Variants in LINGO2 observed in about 807,000 individuals in gnomAD.
LINGO2 encodes leucine rich repeat and Ig domain containing 2.
A neutral mutation model predicts 30.6 loss-of-function variants in LINGO2; 14 were observed. The observed-to-expected ratio is 0.46, with a 90% confidence interval of 0.30 to 0.72. LINGO2 has a LOEUF of 0.72. LINGO2 is among the 30% of genes least tolerant of loss of function. The pLI is 0.07. For missense variants in LINGO2, 729 were observed against 751.7 expected (o/e 0.97, Z 0.35); for synonymous variants, 317 against 288.5 (o/e 1.10, Z -1.00).
At chr9:28,218,130 T>C (rs766430938) in intron 4 of LINGO2, among the ~76,000 whole-genome samples, 19 of 148,680 alleles carry the variant, frequency 1.3e-4, no homozygotes, top group Non-Finnish European at 1.5e-5. Flanking sequence ...ATATTATAAA[T>C]ATATATAATT....
At chr9:28,057,169 C>A (rs181882081) in intron 4 of LINGO2, among the ~76,000 whole-genome samples, 164 of 152,206 alleles carry the variant, frequency 1.1e-3, no homozygotes, top group African/African-American at 3.9e-3. Context: ...TATGCCTGTT[C>A]TACTAAGATG....
the LINGO2 span, among the ~76,000 whole-genome samples, chr9:28,797,825 G>C: frequency 6.6e-6 from 1 of 152,056 alleles, no homozygotes; most frequent in African/African-American, 2.4e-5. Context: ...ATTGTAGTTA[G>C]AGCAGTAGAA....
intron 4 of LINGO2, among the ~76,000 whole-genome samples, chr9:28,043,786 A>G (rs540748078): frequency 1.3e-5 from 2 of 152,306 alleles, no homozygotes; most frequent in South Asian, 4.1e-4. Flanking sequence ...TTTCATCTAC[A>G]ATGATTTTGC....
chr9:28,519,001 T>G (rs1189362611), intron 1 of LINGO2, among the ~76,000 whole-genome samples: 1 of 152,118 alleles, frequency 6.6e-6, no homozygotes, highest in East Asian at 1.9e-4. Flanking sequence ...TTTCACAGTA[T>G]TTTTTAAATG....
chr9:29,132,817 T>G, the LINGO2 span, among the ~76,000 whole-genome samples: 1 of 151,970 alleles, frequency 6.6e-6, no homozygotes, highest in Admixed American at 6.6e-5. Context: ...GCCCTACACA[T>G]AGAATTTCAA....
At chr9:29,079,745 A>G in the LINGO2 span, among the ~76,000 whole-genome samples, 1 of 151,866 alleles carries the variant, frequency 6.6e-6, no homozygotes, top group Non-Finnish European at 1.5e-5. Flanking sequence ...ATGAAAGGAC[A>G]TATGGTCCTT....
At chr9:29,023,861 T>C in the LINGO2 span, among the ~76,000 whole-genome samples, 1 of 152,254 alleles carries the variant, frequency 6.6e-6, no homozygotes, top group Admixed American at 6.5e-5. Flanking sequence ...AAGCTAAATA[T>C]TAAGAAAGCT....
chr9:28,326,226 G>C (rs959924479), intron 3 of LINGO2, among the ~76,000 whole-genome samples: 1 of 152,086 alleles, frequency 6.6e-6, no homozygotes. Context: ...ATGCTGGTCT[G>C]TAACTCCTGA....
chr9:28,874,074 G>A, the LINGO2 span, among the ~76,000 whole-genome samples: 1 of 151,858 alleles, frequency 6.6e-6, no homozygotes. Flanking sequence ...TTATTAATTT[G>A]GTCATCTGCT....
At chr9:29,165,057 G>C in the LINGO2 span, among the ~76,000 whole-genome samples, 61 of 152,026 alleles carry the variant, frequency 4.0e-4, no homozygotes, top group African/African-American at 1.4e-3. Flanking sequence ...TACTATTACA[G>C]CAATGAAAAA....
rs72213590 is a variant in LINGO2, at chr9:28,441,251, C to CTTTTTTTTTTTT, written c.-279+34677_-279+34688dup. Reference sequence around the variant, plus strand: ...TATAGCAGTATAAATTCATTGGAGGCTTTTTTTTTTTTTTTTTTTTTTTTT... The same window carrying CTTTTTTTTTTTT: ...TATAGCAGTATAAATTCATTGGAGGCTTTTTTTTTTTTTTTTTTTTTTTTTTTTTTTTTTTTT... On this transcript the variant is annotated intron_variant, in intron 2 of 5. Transcript: ENST00000379992. Among the ~76,000 whole-genome samples the CTTTTTTTTTTTT allele has an allele frequency of 4.7e-4, 17 of 36,286 alleles. 5 individuals are homozygous for CTTTTTTTTTTTT. The highest frequency in any genetic ancestry group is 1.2e-3 in the South Asian group (1 of 810). 23.8% of individuals were successfully genotyped at this position (36,286 alleles called of 152,430 possible).
the LINGO2 span, among the ~76,000 whole-genome samples, chr9:29,106,702 T>A: frequency 2.6e-5 from 4 of 152,196 alleles, no homozygotes; most frequent in Admixed American, 2.0e-4. Context: ...TATTAATAAC[T>A]ATTAATTAAG....
chr9:28,958,938 G>A, the LINGO2 span, among the ~76,000 whole-genome samples: 1 of 152,140 alleles, frequency 6.6e-6, no homozygotes, highest in Non-Finnish European at 1.5e-5. Context: ...CAAAGGGAAA[G>A]AGCAGGGACT....
chr9:27,980,936 T>G (rs1188059758), intron 5 of LINGO2, among the ~76,000 whole-genome samples: 1 of 151,902 alleles, frequency 6.6e-6, no homozygotes, highest in Non-Finnish European at 1.5e-5. Context: ...TTGTGCCCTA[T>G]GTGCAGAACA....
chr9:29,172,269 G>A, the LINGO2 span, among the ~76,000 whole-genome samples: 1 of 151,682 alleles, frequency 6.6e-6, no homozygotes, highest in Non-Finnish European at 1.5e-5. Context: ...AGCAAACATA[G>A]ATAATTTTAA....
the LINGO2 span, among the ~76,000 whole-genome samples, chr9:28,991,515 C>T: frequency 7.4e-6 from 1 of 135,420 alleles, no homozygotes; most frequent in East Asian, 2.1e-4. Flanking sequence ...ATACAGAGAA[C>T]GCCAAAAAGA....
intron 1 of LINGO2, among the ~76,000 whole-genome samples, chr9:28,515,569 T>C (rs1229277083): frequency 1.3e-5 from 2 of 152,164 alleles, no homozygotes; most frequent in African/African-American, 4.8e-5. Flanking sequence ...ACTGCAGACG[T>C]AGTGGAAATA....
At chr9:28,062,541 CTA>C (rs1349497479) in intron 4 of LINGO2, among the ~76,000 whole-genome samples, 1 of 135,052 alleles carries the variant, frequency 7.4e-6, no homozygotes, top group East Asian at 2.1e-4. Flanking sequence ...TACATATATA[CTA>C]TATATTGTAT....
At chr9:28,572,296 A>G in intron 1 of LINGO2, among the ~76,000 whole-genome samples, 1 of 152,072 alleles carries the variant, frequency 6.6e-6, no homozygotes, top group Middle Eastern at 3.2e-3. Context: ...TATTTTATCA[A>G]ATGGAATTGA....
Sources: allele counts gnomAD v4.1 joint callset (sites outside exome capture counted in the v4.1 genomes callset), GRCh38; gene constraint gnomAD v4.1.1; transcripts MANE v1.5; gene names NCBI Gene and HGNC (gene_info 2026-07-23, HGNC 2026-07-21).